Variants in PTPRT observed in about 807,000 individuals in gnomAD.
PTPRT encodes the protein protein tyrosine phosphatase receptor type T.
Under a neutral mutation model 176.8 loss-of-function variants are expected in PTPRT, and 56 were observed. The observed-to-expected ratio is 0.32, with a 90% CI of 0.26 to 0.40. PTPRT has a LOEUF of 0.40. PTPRT is among the 10% of genes least tolerant of loss of function. PTPRT has a pLI of 1.00. For missense variants in PTPRT, 1,540 were observed against 1,908.2 expected, an observed-to-expected ratio of 0.81 and a Z score of 3.60; for synonymous variants, 783 against 739.0, an observed-to-expected ratio of 1.06 and a Z score of -0.96.
Position 42,076,040 on chromosome 20 carries a change from C to A in PTPRT, c.*4839G>T, listed in dbSNP as rs1398619742. The A allele has an allele frequency of 4.5e-6, 1 of 222,764 alleles. No individual in the cohort carries two copies. The highest frequency in any genetic ancestry group is 2.2e-5 in the African/African-American group (1 of 44,818). 13.8% of individuals were successfully genotyped at this position (222,764 alleles called of 1,614,324 possible). A position where few individuals can be genotyped will look rare whatever the true frequency, so the allele number is the denominator to read the frequency against. On this transcript the variant is annotated 3_prime_UTR_variant, in exon 31 of 31. Transcript: ENST00000373187. ...TTTTCCTGCCTAAAGTGCTCCAAAT[C>A]TACCCCTTCTAATGTTGATGAGGGT...
At chr20:42,418,143 C>T (rs2059083720) in intron 9 of PTPRT, among the ~76,000 whole-genome samples, 1 of 152,168 alleles carries the variant, frequency 6.6e-6, no homozygotes, top group Non-Finnish European at 1.5e-5. Context: ...AAAATGCACG[C>T]TGTATTTCAA....
intron 7 of PTPRT, among the ~76,000 whole-genome samples, chr20:42,628,152 T>G (rs1480657520): frequency 1.3e-5 from 2 of 152,130 alleles, no homozygotes; most frequent in African/African-American, 4.8e-5. Flanking sequence ...TAGGCAACTC[T>G]GGGCCTCCAC....
intron 7 of PTPRT, among the ~76,000 whole-genome samples, chr20:42,651,159 A>C (rs1312459245): frequency 6.6e-6 from 1 of 152,162 alleles, no homozygotes; most frequent in Non-Finnish European, 1.5e-5. Flanking sequence ...AATTTGGTAT[A>C]TATTATTGTG....
chr20:42,640,388 C>A (rs559908786), intron 7 of PTPRT, among the ~76,000 whole-genome samples: 34 of 150,710 alleles, frequency 2.3e-4, no homozygotes, highest in Non-Finnish European at 3.7e-4. Flanking sequence ...AGTATAGAGA[C>A]TTCTTTAAAA....
rs2073352974 is a variant in PTPRT, at chr20:42,580,563, A to G, written c.1153+97303T>C. ...ATGGAATGTTCTTCCATTTGTTTGT[A>G]TCCTCTTTTATTTCATTGAGCAGTG... On this transcript the variant is annotated intron_variant, in intron 7 of 30. Coordinates refer to ENST00000373187, the MANE Select transcript of PTPRT (RefSeq NM_007050.6). 6.8e-5 allele frequency among the ~76,000 whole-genome samples: 10 copies of G among 147,918 alleles called. No individual in the cohort carries two copies. In the Admixed American group the frequency reaches 6.8e-4, roughly 10 times the overall value.
intron 29 of PTPRT, among the ~76,000 whole-genome samples, 177 bp downstream of exon 29, chr20:42,084,505 C>T (rs898247647): frequency 6.6e-6 from 1 of 152,232 alleles, no homozygotes; most frequent in Non-Finnish European, 1.5e-5. Context: ...AAACTGGCAG[C>T]CCCGTTCCAT....
chr20:42,923,907 T>A lies in PTPRT; in HGVS notation c.89-37975A>T, dbSNP rs191575273. On this transcript the variant is annotated intron_variant, in intron 1 of 30. Coordinates refer to ENST00000373187, the MANE Select transcript of PTPRT (RefSeq NM_007050.6). ...CCCAGCAGGCTAGAGTGCAGCAGTG[T>A]GATCTCAGCTCACTGCAGCCTTCAC... is the stretch of plus-strand genomic sequence containing the variant. Among the ~76,000 whole-genome samples, 720 of 152,224 alleles carry A rather than the reference T, an allele frequency of 4.7e-3. 3 individuals carry two copies. The highest frequency in any genetic ancestry group is 0.016 in the African/African-American group (666 of 41,532).
chr20:43,163,221 C>T (rs2014748227), intron 1 of PTPRT, among the ~76,000 whole-genome samples: 1 of 152,216 alleles, frequency 6.6e-6, no homozygotes, highest in South Asian at 2.1e-4. Context: ...GCACAGAGTG[C>T]TCACTTTTTG....
intron 7 of PTPRT, among the ~76,000 whole-genome samples, chr20:42,552,202 C>A (rs1011532269): frequency 6.6e-6 from 1 of 152,148 alleles, no homozygotes; most frequent in Non-Finnish European, 1.5e-5. Context: ...TTCAAACCAG[C>A]TTCCTGAGCA....
chr20:42,871,687 G>C (rs752775197), intron 2 of PTPRT, among the ~76,000 whole-genome samples: 6 of 130,616 alleles, frequency 4.6e-5, no homozygotes, highest in Admixed American at 7.7e-5. Flanking sequence ...TGCTACATGT[G>C]GATATTCAAT....
At position 42,937,825 on chromosome 20, in the gene PTPRT, G is replaced by A. The variant is rs1488263380; in HGVS notation, c.89-51893C>T. Among the ~76,000 whole-genome samples, 3 of 152,164 alleles carry A rather than the reference G, an allele frequency of 2.0e-5. No individual in the cohort carries two copies. The East Asian group carries it at 5.8e-4, about 29-fold the overall frequency. ...TCATTTAGCTATCACTTCTAAATGG[G>A]AGAATGAATGGGAAAACTCTTGGAA... On this transcript the variant is annotated intron_variant, in intron 1 of 30. Transcript: ENST00000373187.
chr20:42,949,023 T>C (rs1264987795), intron 1 of PTPRT, among the ~76,000 whole-genome samples: 1 of 152,214 alleles, frequency 6.6e-6, no homozygotes, highest in Non-Finnish European at 1.5e-5. Flanking sequence ...ATCCCACTGT[T>C]GGATATCCTG....
chr20:42,405,890 T>C (rs1469347820), intron 9 of PTPRT, among the ~76,000 whole-genome samples: 1 of 152,192 alleles, frequency 6.6e-6, no homozygotes, highest in Non-Finnish European at 1.5e-5. Flanking sequence ...CCATTCTAAC[T>C]TGCAGGCCAC....
intron 3 of PTPRT, among the ~76,000 whole-genome samples, chr20:42,788,020 C>G (rs1238764497): frequency 6.6e-6 from 1 of 152,046 alleles, no homozygotes; most frequent in Non-Finnish European, 1.5e-5. Flanking sequence ...TGTACTAAAA[C>G]ATATTACACA....
chr20:42,900,754 T>C (rs1233895916), intron 1 of PTPRT, among the ~76,000 whole-genome samples: 1 of 152,240 alleles, frequency 6.6e-6, no homozygotes, highest in Non-Finnish European at 1.5e-5. Flanking sequence ...TCTTGGAACA[T>C]GTCCGGGGTC....
chr20:42,892,141 T>TACCCAGCGAGGTCAGAGTGA (rs1276314728), intron 1 of PTPRT, among the ~76,000 whole-genome samples: 1 of 152,226 alleles, frequency 6.6e-6, no homozygotes, highest in African/African-American at 2.4e-5. Context: ...CTAAGGAACT[T>TACCCAGCGAGGTCAGAGTGA]ACCCAGCGAG....
chr20:42,315,077 C>A (rs1435522848), intron 12 of PTPRT, among the ~76,000 whole-genome samples: 2 of 148,270 alleles, frequency 1.3e-5, no homozygotes, highest in South Asian at 2.1e-4. Context: ...ATATTTGACA[C>A]AAAAATGGTT....
Position 42,814,592 on chromosome 20 carries a change from T to C in PTPRT, c.215-23126A>G, listed in dbSNP as rs560282745. Reference sequence around the variant, plus strand: ...TATAAAATGTTAGCACTTAAATCAGTCCTAGGAATCACGTAGCACATTCCA... The same window carrying C: ...TATAAAATGTTAGCACTTAAATCAGCCCTAGGAATCACGTAGCACATTCCA... On this transcript the variant is annotated intron_variant, in intron 2 of 30. Transcript: ENST00000373187. Among the ~76,000 whole-genome samples, 8 of 152,300 alleles carry C rather than the reference T, an allele frequency of 5.3e-5. No homozygotes were observed. In the East Asian group the frequency reaches 1.5e-3, roughly 29 times the overall value.
At chr20:42,201,950 C>CGTGTGTGTGCGTGT (rs1555800836) in intron 15 of PTPRT, among the ~76,000 whole-genome samples, 2 of 143,116 alleles carry the variant, frequency 1.4e-5, no homozygotes, top group South Asian at 4.5e-4. Flanking sequence ...AGAAAAGTTG[C>CGTGTGTGTGCGTGT]GTGTGTGTGT....
Sources: allele counts gnomAD v4.1 joint callset (sites outside exome capture counted in the v4.1 genomes callset), GRCh38; gene constraint gnomAD v4.1.1; transcripts MANE v1.5; gene names NCBI Gene and HGNC (gene_info 2026-07-23, HGNC 2026-07-21).